RIPOR3: variants seen among roughly 807,000 people sequenced by gnomAD.
RIPOR3 encodes the protein family with sequence similarity 65 member C.
A neutral mutation model predicts 114.3 loss-of-function variants in RIPOR3; 95 were observed. That is an observed-to-expected ratio of 0.83 (90% CI 0.70 to 0.99). The LOEUF is 0.99. Ranked by LOEUF, RIPOR3 falls within the 50% of genes least tolerant of loss-of-function variation. The probability of loss-of-function intolerance (pLI) is 0.00; values close to 1 mark genes in which losing one functional copy is unlikely to be tolerated. For missense variants in RIPOR3, 1,252 were observed against 1,266.9 expected (o/e 0.99, Z 0.18); for synonymous variants, 575 against 543.8 (o/e 1.06, Z -0.80).
intron 1 of RIPOR3, among the ~76,000 whole-genome samples, chr20:50,666,987 G>A (rs1216642604): frequency 3.4e-4 from 51 of 152,172 alleles, no homozygotes; most frequent in Admixed American, 3.3e-3. Flanking sequence ...AAAAGCGGGC[G>A]AGGTATCTGG....
chr20:50,667,020 C>T (rs988068302), intron 1 of RIPOR3, among the ~76,000 whole-genome samples: 2 of 152,156 alleles, frequency 1.3e-5, no homozygotes, highest in Non-Finnish European at 2.9e-5. Context: ...TCCCTCCTAA[C>T]CTCCCCTACA....
chr20:50,683,333 A>G (rs2904274), intron 1 of RIPOR3, among the ~76,000 whole-genome samples: 122,944 of 152,070 alleles, frequency 0.81, 50,717 homozygotes, highest in East Asian at 0.96. Context: ...GTTCACAGGC[A>G]TTTATCATTT....
rs2085625863 is a variant in RIPOR3, at chr20:50,651,947, T to C, written c.4-21091A>G. On this transcript the variant is annotated intron_variant, in intron 1 of 21. Coordinates refer to ENST00000327979, the MANE Select transcript of RIPOR3 (RefSeq NM_001290268.2). ...CTTCAGGGAAAGTAGATGGTACATG[T>C]GTTATGTTATTGTGGACATGGCGGG... 2.0e-5 allele frequency among the ~76,000 whole-genome samples: 3 copies of C among 152,120 alleles called. No individual in the cohort carries two copies. The South Asian group carries it at 6.2e-4, about 32-fold the overall frequency.
chr20:50,654,381 G>A (rs2085730665), intron 1 of RIPOR3, among the ~76,000 whole-genome samples: 1 of 148,556 alleles, frequency 6.7e-6, no homozygotes, highest in Non-Finnish European at 1.5e-5. Flanking sequence ...TGGCCAGGCT[G>A]GTCTCGAACT....
At chr20:50,642,745 T>TA (rs796386304) in intron 1 of RIPOR3, among the ~76,000 whole-genome samples, 2,514 of 146,944 alleles carry the variant, frequency 0.017, 79 homozygotes, top group African/African-American at 0.056. Context: ...CACAGTGATT[T>TA]AAAAAAAAAA....
At chr20:50,680,570 G>A (rs1028274716) in intron 1 of RIPOR3, among the ~76,000 whole-genome samples, 5 of 152,230 alleles carry the variant, frequency 3.3e-5, no homozygotes, top group Non-Finnish European at 7.3e-5. Flanking sequence ...TATTGCAGAC[G>A]TGTCGTGTGC....
At chr20:50,642,334 T>C (rs2085227779) in intron 1 of RIPOR3, among the ~76,000 whole-genome samples, 1 of 139,840 alleles carries the variant, frequency 7.2e-6, no homozygotes, top group Non-Finnish European at 1.5e-5. Flanking sequence ...AATCTTAAAT[T>C]GTTCTCTGTG....
intron 4 of RIPOR3, among the ~76,000 whole-genome samples, chr20:50,614,967 C>A (rs1452232713): frequency 6.6e-6 from 1 of 151,636 alleles, no homozygotes; most frequent in Non-Finnish European, 1.5e-5. Flanking sequence ...TGAGGCAGGA[C>A]AATCGCTTGA....
chr20:50,592,622 G>A, intron 18 of RIPOR3, 76 bp from the exon 19 acceptor site: 4 of 1,264,672 alleles, frequency 3.2e-6, no homozygotes, highest in Non-Finnish European at 3.1e-6. Context: ...TTGCTTGGCT[G>A]CTGCCAGTAG....
chr20:50,664,595 A>G (rs1258864971), intron 1 of RIPOR3, among the ~76,000 whole-genome samples: 1 of 152,150 alleles, frequency 6.6e-6, no homozygotes, highest in African/African-American at 2.4e-5. Flanking sequence ...CCCGTGTGAC[A>G]TTGGGCAAAT....
rs1410699647 is a variant in RIPOR3, at chr20:50,630,780, G to T, written c.80C>A (p.Ala27Asp). ...TGAVGVVGRS[A>D]SFAGFSSAQS... The stretch of plus-strand genomic sequence containing the variant: ...TGCACTGCTGAAGCCTGCGAAGGAG[G>T]CGCTCCGGCCCACGACCCCCACGGC... Residue 27 changes from alanine to aspartate, a missense_variant, in exon 2 of 22, where the codon GCC becomes GAC. Physicochemically the swap from Ala to Asp is moderately radical, Grantham distance 126. Transcript: ENST00000327979. 1 of 1,612,306 alleles carries T rather than the reference G, an allele frequency of 6.2e-7. No homozygotes were observed.
chr20:50,597,460 CAA>C (rs2083332916), intron 14 of RIPOR3, 118 bp downstream of exon 14: 3 of 1,399,918 alleles, frequency 2.1e-6, no homozygotes, highest in Non-Finnish European at 2.9e-6. Flanking sequence ...GATAGAGTGA[CAA>C]GAGCTGAGCC....
chr20:50,638,970 A>G lies in RIPOR3; in HGVS notation c.4-8114T>C, dbSNP rs377359833. ...CAAAAACTAGAAACAGGCCGGGCGCAGTGGCTCATGCCTATAATCCCAGCA... is the reference window on the plus strand; with the variant it reads ...CAAAAACTAGAAACAGGCCGGGCGCGGTGGCTCATGCCTATAATCCCAGCA... On this transcript the variant is annotated intron_variant, in intron 1 of 21. Transcript: ENST00000327979. Among the ~76,000 whole-genome samples the G allele has an allele frequency of 2.1e-3, 313 of 152,264 alleles. 1 individual carries two copies. Among genetic ancestry groups the G allele is most frequent in the African/African-American group, 7.1e-3 (295 of 41,562 alleles).
At position 50,687,555 on chromosome 20, in the gene RIPOR3, G is replaced by A. The variant is rs6512663; in HGVS notation, c.3+3571C>T. On this transcript the variant is annotated intron_variant, in intron 1 of 21. Coordinates refer to ENST00000327979, the MANE Select transcript of RIPOR3 (RefSeq NM_001290268.2). ...GTGTGGTGCACAAGTGTGCATGGGC[G>A]AGTACATATATTTGCATATCCACAC... Among the ~76,000 whole-genome samples the A allele has an allele frequency of 1.5e-3, 232 of 152,296 alleles. 3 individuals are homozygous for A. Among genetic ancestry groups the A allele is most frequent in the African/African-American group, 5.3e-3 (220 of 41,564 alleles).
At position 50,593,210 on chromosome 20, in the gene RIPOR3, A is replaced by T. The variant is rs751511238; in HGVS notation, c.2213-14T>A. ...GCCTGCGGCACGCTGGCCAAAGGGG[A>T]GAGTACATCAGGAGAAACTGAGACC... On this transcript the variant is annotated splice_polypyrimidine_tract_variant and intron_variant, in intron 17 of 21. Coordinates refer to ENST00000327979, the MANE Select transcript of RIPOR3 (RefSeq NM_001290268.2). The T allele has an allele frequency of 6.2e-7, 1 of 1,608,518 alleles. No individual in the cohort carries two copies. The highest frequency in any genetic ancestry group is 1.1e-5 in the South Asian group (1 of 90,998).
chr20:50,619,181 G>C (rs977287999), intron 3 of RIPOR3, among the ~76,000 whole-genome samples: 1 of 152,016 alleles, frequency 6.6e-6, no homozygotes, highest in Non-Finnish European at 1.5e-5. Flanking sequence ...AGGTGCAGTG[G>C]CTCACGCTTG....
intron 14 of RIPOR3, among the ~76,000 whole-genome samples, chr20:50,596,534 G>A (rs2083297123): frequency 6.6e-6 from 1 of 152,200 alleles, no homozygotes; most frequent in Non-Finnish European, 1.5e-5. Flanking sequence ...ACTCATCCCA[G>A]CTCTGTGACG....
In RIPOR3 at chr20:50,605,788, GA is replaced by G. The variant is rs1323549471; in HGVS notation, c.957-1015del. On this transcript the variant is annotated intron_variant, in intron 11 of 21. Coordinates refer to ENST00000327979, the MANE Select transcript of RIPOR3 (RefSeq NM_001290268.2). ...AGCAAGACTCTATCTCAAAAAAAAAGAAAAAAAAAAAAAGCAAAATAAAACA... is the reference window on the plus strand; with the variant it reads ...AGCAAGACTCTATCTCAAAAAAAAAGAAAAAAAAAAAAGCAAAATAAAACA... Among the ~76,000 whole-genome samples the G allele has an allele frequency of 5.5e-3, 720 of 130,802 alleles. 6 individuals carry two copies. The highest frequency in any genetic ancestry group is 0.016 in the African/African-American group (568 of 35,716). 85.8% of individuals were successfully genotyped at this position (130,802 alleles called of 152,430 possible).
chr20:50,667,693 C>G (rs2086303610), intron 1 of RIPOR3, among the ~76,000 whole-genome samples: 1 of 152,210 alleles, frequency 6.6e-6, no homozygotes, highest in African/African-American at 2.4e-5. Context: ...ACTCACAGCT[C>G]TGGGCATTTC....
Sources: gnomAD v4.1 joint callset for allele counts (sites outside exome capture counted in the v4.1 genomes callset) on GRCh38, gnomAD v4.1.1 for gene constraint, MANE v1.5 for transcripts, NCBI Gene and HGNC (gene_info 2026-07-23, HGNC 2026-07-21) for gene names.